Variants in SPSB1 observed in about 807,000 individuals in gnomAD.
SPSB1 encodes the protein splA/ryanodine receptor domain and SOCS box containing 1.
A neutral mutation model predicts 21.2 loss-of-function variants in SPSB1; 8 were observed. The ratio of observed to expected loss-of-function variants is 0.38; its 90% CI spans 0.22 to 0.68. The LOEUF (loss-of-function observed/expected upper bound fraction) is 0.68, where lower values mean the gene tolerates loss of function less well. SPSB1 is among the 30% of genes least tolerant of loss of function. The pLI, the probability that SPSB1 is intolerant of heterozygous loss-of-function variation, is 0.53. For missense variants in SPSB1, 242 were observed against 377.8 expected (o/e 0.64, Z 2.98); for synonymous variants, 169 against 161.7 (o/e 1.05, Z -0.34).
At position 9,293,915 on chromosome 1, in the gene SPSB1, T is replaced by C. The variant is rs151208904; in HGVS notation, c.-150+844T>C. 1.4e-3 allele frequency among the ~76,000 whole-genome samples: 206 copies of C among 152,248 alleles called. No individual in the cohort carries two copies. The highest frequency in any genetic ancestry group is 4.8e-3 in the Admixed American group (74 of 15,300). ...GCCTGCGTATGAGTGTGTCTGTGTG[T>C]TCATGTGGGTGTGTGTGTGAGTGTG... is the stretch of plus-strand genomic sequence containing the variant. On this transcript the variant is annotated intron_variant, in intron 1 of 2. Transcript: ENST00000328089. This position sits in a 1 kb window ranked among gnomAD's most constrained non-coding sequence, Gnocchi z 5.1.
At chr1:9,316,596 A>G (rs1321556294) in intron 1 of SPSB1, among the ~76,000 whole-genome samples, 1 of 152,052 alleles carries the variant, frequency 6.6e-6, no homozygotes, top group Non-Finnish European at 1.5e-5. Context: ...GCTGCCATTT[A>G]CGAAAGGCTG....
chr1:9,358,930 A>G (rs182021485), intron 2 of SPSB1, among the ~76,000 whole-genome samples: 2 of 152,340 alleles, frequency 1.3e-5, no homozygotes, highest in East Asian at 3.9e-4. Flanking sequence ...TCCTGTGAAT[A>G]GGCGATTTCC....
In SPSB1 at chr1:9,345,024, T is replaced by C. The variant is rs1232861098; in HGVS notation, c.-149-10719T>C. 2.0e-5 allele frequency among the ~76,000 whole-genome samples: 3 copies of C among 152,228 alleles called. No homozygotes were observed. The highest frequency in any genetic ancestry group is 1.9e-4 in the East Asian group (1 of 5,172). ...CCCCTATGTCCAAGAGACTGCCTTG[T>C]TGGGGGAAAGTGGCAGACTTTGGAT... is the stretch of plus-strand genomic sequence containing the variant. On this transcript the variant is annotated intron_variant, in intron 1 of 2. Coordinates refer to ENST00000328089, the MANE Select transcript of SPSB1 (RefSeq NM_025106.4). The surrounding 1 kb of genome is among the most constrained non-coding windows in gnomAD (Gnocchi z 4.8).
At position 9,317,837 on chromosome 1, in the gene SPSB1, ATT is replaced by A. The variant is rs34392416; in HGVS notation, c.-150+24784_-150+24785del. Among the ~76,000 whole-genome samples, 33,331 of 134,530 alleles carry A rather than the reference ATT, an allele frequency of 0.25. 4,671 individuals carry two copies. Among genetic ancestry groups the A allele is most frequent in the East Asian group, 0.61 (2,789 of 4,596 alleles). 88.3% of individuals were successfully genotyped at this position (134,530 alleles called of 152,430 possible). On this transcript the variant is annotated intron_variant, in intron 1 of 2. Coordinates refer to ENST00000328089, the MANE Select transcript of SPSB1 (RefSeq NM_025106.4). The surrounding 1 kb of genome is among the most constrained non-coding windows in gnomAD (Gnocchi z 4.3). Reference sequence around the variant, plus strand: ...GTGATTTCCGGTGGCGAGGGAACCAATTTTTTTTTTTTTTTTTTTGAGACCCT... The same window carrying A: ...GTGATTTCCGGTGGCGAGGGAACCAATTTTTTTTTTTTTTTTTGAGACCCT...
chr1:9,322,314 G>A (rs773388707), intron 1 of SPSB1, among the ~76,000 whole-genome samples: 5 of 152,278 alleles, frequency 3.3e-5, no homozygotes, highest in Admixed American at 6.5e-5. Context: ...ACTGAGGTTC[G>A]GAAAGTCTCT....
chr1:9,337,596 A>G (rs115375320), intron 1 of SPSB1, among the ~76,000 whole-genome samples: 6,308 of 152,190 alleles, frequency 0.041, 196 homozygotes, highest in Non-Finnish European at 0.065. Flanking sequence ...CTGTGAGTGC[A>G]GCGCCTCCAG....
In SPSB1 at chr1:9,356,327, C is replaced by T. The variant is rs751984624; in HGVS notation, c.436C>T (p.Arg146Cys). 11 of 1,613,854 alleles carry T rather than the reference C, an allele frequency of 6.8e-6. No homozygotes were observed. The highest frequency in any genetic ancestry group is 6.8e-6 in the Non-Finnish European group (8 of 1,180,014). Reference protein sequence around the residue: ...NHESWGWDLGRNRLYHDGKNQ... With the variant: ...NHESWGWDLGCNRLYHDGKNQ... ...CGAGTCCTGGGGCTGGGACTTGGGG[C>T]GCAACCGGCTCTACCACGATGGCAA... The change falls in exon 2 of 3, where the codon CGC (arginine) becomes TGC (cysteine). Residue 146 changes from arginine to cysteine, a missense_variant. Coordinates refer to ENST00000328089, the MANE Select transcript of SPSB1 (RefSeq NM_025106.4). The surrounding 1 kb of genome is among the most constrained non-coding windows in gnomAD (Gnocchi z 7.4).
chr1:9,317,344 A>G lies in SPSB1; in HGVS notation c.-150+24273A>G, dbSNP rs1235326271. Among the ~76,000 whole-genome samples, 6 of 152,154 alleles carry G rather than the reference A, an allele frequency of 3.9e-5. No individual in the cohort carries two copies. The highest frequency in any genetic ancestry group is 8.8e-5 in the Non-Finnish European group (6 of 68,030). The stretch of plus-strand genomic sequence containing the variant: ...TGCAAAACCACTGGGAGCTTTGATG[A>G]TACCCGGTATATAGTAAGTGCTTGA... On this transcript the variant is annotated intron_variant, in intron 1 of 2. Transcript: ENST00000328089. This position sits in a 1 kb window ranked among gnomAD's most constrained non-coding sequence, Gnocchi z 4.3.
intron 1 of SPSB1, among the ~76,000 whole-genome samples, chr1:9,343,231 CA>C: frequency 6.6e-6 from 1 of 152,286 alleles, no homozygotes; most frequent in Middle Eastern, 3.4e-3. Flanking sequence ...ACAGTTTCAT[CA>C]CCCCTAAAAG....
chr1:9,299,389 A>G (rs1639278821), intron 1 of SPSB1, among the ~76,000 whole-genome samples: 2 of 152,212 alleles, frequency 1.3e-5, no homozygotes, highest in Admixed American at 1.3e-4. Context: ...CTGTAATCCT[A>G]GCACTTCAGG....
chr1:9,319,736 A>G (rs1367659651), intron 1 of SPSB1, among the ~76,000 whole-genome samples: 1 of 152,138 alleles, frequency 6.6e-6, no homozygotes, highest in Non-Finnish European at 1.5e-5. Flanking sequence ...GGTCCGCTGT[A>G]GTGAAGGGAG....
intron 2 of SPSB1, among the ~76,000 whole-genome samples, chr1:9,360,853 CT>C (rs1338715355): frequency 1.4e-4 from 22 of 152,254 alleles, no homozygotes; most frequent in African/African-American, 5.3e-4. Flanking sequence ...GGTCAACCCG[CT>C]TCAGATGTGG....
rs1430178490 is a variant in SPSB1, at chr1:9,305,489, GT to G, written c.-150+12420del. Among the ~76,000 whole-genome samples, 1 of 152,146 alleles carries G rather than the reference GT, an allele frequency of 6.6e-6. No homozygotes were observed. Among genetic ancestry groups the G allele is most frequent in the East Asian group, 1.9e-4 (1 of 5,186 alleles). The stretch of plus-strand genomic sequence containing the variant: ...TCCCCAGTAGTTAGGTCCACAGTAG[GT>G]TCTTGGACACCTGTCGGATGAAGGA... On this transcript the variant is annotated intron_variant, in intron 1 of 2. Coordinates refer to ENST00000328089, the MANE Select transcript of SPSB1 (RefSeq NM_025106.4). The surrounding 1 kb of genome is among the most constrained non-coding windows in gnomAD (Gnocchi z 4.8).
At chr1:9,329,619 G>A (rs1377970667) in intron 1 of SPSB1, among the ~76,000 whole-genome samples, 1 of 150,254 alleles carries the variant, frequency 6.7e-6, no homozygotes, top group African/African-American at 2.5e-5. Flanking sequence ...CCTTGAACCA[G>A]GATGGGGAGG....
At position 9,368,287 on chromosome 1, in the gene SPSB1, G is replaced by A. The variant is rs1196360370; in HGVS notation, c.*712G>A. On this transcript the variant is annotated 3_prime_UTR_variant, in exon 3 of 3. Coordinates refer to ENST00000328089, the MANE Select transcript of SPSB1 (RefSeq NM_025106.4). ...GTTCTGTTACTTTCCTTCCACCTGT[G>A]CCCTCCCTGGGATATGTATGCCTCG... is the stretch of plus-strand genomic sequence containing the variant. 1.2e-4 allele frequency: 18 copies of A among 152,534 alleles called. No individual in the cohort carries two copies. The highest frequency in any genetic ancestry group is 1.2e-3 in the Admixed American group (18 of 15,292). 9.4% of individuals were successfully genotyped at this position (152,534 alleles called of 1,614,324 possible).
chr1:9,333,062 G>T (rs892953518), intron 1 of SPSB1, among the ~76,000 whole-genome samples: 3 of 152,220 alleles, frequency 2.0e-5, no homozygotes, highest in Non-Finnish European at 4.4e-5. Context: ...CAGGCACCCA[G>T]CAAACCCCCA....
chr1:9,360,310 G>A (rs1456149600), intron 2 of SPSB1, among the ~76,000 whole-genome samples: 1 of 152,278 alleles, frequency 6.6e-6, no homozygotes, highest in Non-Finnish European at 1.5e-5. Flanking sequence ...TACATGGACG[G>A]CTGAGAACCG....
At chr1:9,297,968 C>T (rs72642711) in intron 1 of SPSB1, among the ~76,000 whole-genome samples, 10 of 152,322 alleles carry the variant, frequency 6.6e-5, no homozygotes, top group South Asian at 2.1e-4. Flanking sequence ...CAGTGGGAGC[C>T]GCAGTCACTC....
At chr1:9,342,929 C>G (rs1038089761) in intron 1 of SPSB1, among the ~76,000 whole-genome samples, 1 of 152,204 alleles carries the variant, frequency 6.6e-6, no homozygotes, top group African/African-American at 2.4e-5. Flanking sequence ...CTAATAAGCC[C>G]AGTTGAAACA....
Sources: allele counts gnomAD v4.1 joint callset (sites outside exome capture counted in the v4.1 genomes callset), GRCh38; gene constraint gnomAD v4.1.1; non-coding constraint Gnocchi (gnomAD v3.1); transcripts MANE v1.5; gene names NCBI Gene and HGNC (gene_info 2026-07-23, HGNC 2026-07-21).